The following CRPPA variants were observed in gnomAD, a reference collection of about 807,000 sequenced individuals.
The protein encoded by CRPPA is CDP-L-ribitol pyrophosphorylase A, also known as D-ribitol-5-phosphate cytidylyltransferase.
In CRPPA, 43 loss-of-function variants were observed where a neutral mutation model predicts 52.0. The observed-to-expected ratio is 0.83, with a 90% CI of 0.65 to 1.07. The LOEUF (loss-of-function observed/expected upper bound fraction) is 1.07. Among genes scored for constraint, CRPPA ranks in the 50% least tolerant of loss-of-function variants. The probability of loss-of-function intolerance (pLI) is 0.00; values close to 1 mark genes in which losing one functional copy is unlikely to be tolerated. For synonymous variants in CRPPA, 250 were observed against 203.5 expected (o/e 1.23, Z -1.94); for missense variants, 629 against 551.7 (o/e 1.14, Z -1.40).
intron 9 of CRPPA, among the ~76,000 whole-genome samples, chr7:16,194,164 G>A (rs146016624): frequency 3.3e-5 from 5 of 152,194 alleles, no homozygotes; most frequent in South Asian, 2.1e-4. Context: ...TGCTAGTCCC[G>A]GAGGAAACCT....
At chr7:16,237,021 T>C (rs1046155683) in intron 8 of CRPPA, among the ~76,000 whole-genome samples, 1 of 151,950 alleles carries the variant, frequency 6.6e-6, no homozygotes, top group Non-Finnish European at 1.5e-5. Flanking sequence ...TGCCAAAAAA[T>C]CTGGGATCTT....
chr7:16,368,973 A>G (rs955966634), intron 3 of CRPPA, among the ~76,000 whole-genome samples: 4 of 152,202 alleles, frequency 2.6e-5, no homozygotes, highest in African/African-American at 9.7e-5. Context: ...ATATGTGTCT[A>G]CATATATGTA....
At chr7:16,225,317 T>C (rs1782618771) in intron 8 of CRPPA, among the ~76,000 whole-genome samples, 3 of 151,994 alleles carry the variant, frequency 2.0e-5, no homozygotes. Context: ...CAAATTATTT[T>C]ACAAGGTGGT....
At chr7:16,158,356 C>A (rs555852417) in intron 9 of CRPPA, among the ~76,000 whole-genome samples, 25 of 151,978 alleles carry the variant, frequency 1.6e-4, no homozygotes, top group African/African-American at 5.8e-4. Flanking sequence ...GTAGGAACCC[C>A]GATTCCAAAC....
chr7:16,403,000 G>A (rs998063575), intron 2 of CRPPA, among the ~76,000 whole-genome samples: 1 of 151,900 alleles, frequency 6.6e-6, no homozygotes, highest in South Asian at 2.1e-4. Flanking sequence ...ACAACACATA[G>A]GAAAAATAAA....
chr7:16,301,134 A>T lies in CRPPA; in HGVS notation c.835+287T>A, dbSNP rs576833804. ...GGTGAGACCTTTACAAAATTATTAA[A>T]ATCAGGTTTTGCTATTTTCCTTCTA... On this transcript the variant is annotated intron_variant, in intron 5 of 9. Transcript: ENST00000407010. Among the ~76,000 whole-genome samples the T allele has an allele frequency of 2.0e-5, 3 of 152,332 alleles. No individual in the cohort carries two copies. In the South Asian group the frequency reaches 6.2e-4, roughly 32 times the overall value.
intron 5 of CRPPA, among the ~76,000 whole-genome samples, chr7:16,293,997 TC>T (rs1311237704): frequency 2.0e-5 from 3 of 151,944 alleles, no homozygotes; most frequent in Admixed American, 2.0e-4. Flanking sequence ...TTAAAACTAT[TC>T]CACGTGTGTC....
chr7:16,355,158 C>A (rs1017811058), intron 3 of CRPPA, among the ~76,000 whole-genome samples: 5 of 152,144 alleles, frequency 3.3e-5, no homozygotes, highest in Admixed American at 3.3e-4. Flanking sequence ...TGTAATCCGA[C>A]TAACTTATCT....
chr7:16,165,817 T>C (rs1781052558), intron 9 of CRPPA, among the ~76,000 whole-genome samples: 1 of 152,242 alleles, frequency 6.6e-6, no homozygotes, highest in Non-Finnish European at 1.5e-5. Context: ...TTGGTACAAC[T>C]GGTCAGATGC....
intron 6 of CRPPA, among the ~76,000 whole-genome samples, chr7:16,261,709 A>G (rs1783807896): frequency 6.6e-6 from 1 of 151,936 alleles, no homozygotes. Context: ...ATCTGCAATC[A>G]CTGTGCCACT....
At chr7:16,176,059 G>T (rs1781290499) in intron 9 of CRPPA, among the ~76,000 whole-genome samples, 1 of 152,098 alleles carries the variant, frequency 6.6e-6, no homozygotes, top group Non-Finnish European at 1.5e-5. Flanking sequence ...ATGAAGAACT[G>T]TGGTTAGAAG....
intron 8 of CRPPA, among the ~76,000 whole-genome samples, chr7:16,237,694 T>C (rs879744599): frequency 6.6e-6 from 1 of 152,320 alleles, no homozygotes; most frequent in Non-Finnish European, 1.5e-5. Context: ...ATCCAGGATG[T>C]ATAAAATGGA....
intron 5 of CRPPA, among the ~76,000 whole-genome samples, chr7:16,295,442 A>G (rs1784650793): frequency 6.6e-6 from 1 of 152,106 alleles, no homozygotes; most frequent in Non-Finnish European, 1.5e-5. Context: ...ACACACAACC[A>G]TATATGAAAA....
chr7:16,261,007 A>G (rs912780932), intron 6 of CRPPA, among the ~76,000 whole-genome samples: 3 of 152,080 alleles, frequency 2.0e-5, no homozygotes, highest in African/African-American at 7.2e-5. Context: ...CTTTAAAAAT[A>G]AAAACTCACC....
At chr7:16,280,758 C>T (rs759214866) in intron 5 of CRPPA, among the ~76,000 whole-genome samples, 11 of 152,110 alleles carry the variant, frequency 7.2e-5, no homozygotes, top group Non-Finnish European at 1.5e-4. Flanking sequence ...CAGTGGCTCA[C>T]GCCTGTAATC....
intron 2 of CRPPA, among the ~76,000 whole-genome samples, chr7:16,400,204 G>T (rs6949353): frequency 1.3e-4 from 19 of 151,838 alleles, no homozygotes; most frequent in Admixed American, 3.3e-4. Flanking sequence ...TTGAAACATG[G>T]TTGGCATGTG....
At chr7:16,305,943 G>T (rs1339893973) in intron 4 of CRPPA, among the ~76,000 whole-genome samples, 1 of 152,116 alleles carries the variant, frequency 6.6e-6, no homozygotes, top group Non-Finnish European at 1.5e-5. Flanking sequence ...CCGAAATCAA[G>T]ATACAAGTAG....
chr7:16,245,056 A>C (rs1352561818), intron 8 of CRPPA, among the ~76,000 whole-genome samples: 1 of 152,114 alleles, frequency 6.6e-6, no homozygotes, highest in African/African-American at 2.4e-5. Flanking sequence ...TTAAAAAAAA[A>C]AAAAAGCTTG....
At chr7:16,316,981 C>T (rs1220316290) in intron 3 of CRPPA, among the ~76,000 whole-genome samples, 2 of 152,052 alleles carry the variant, frequency 1.3e-5, no homozygotes, top group Non-Finnish European at 2.9e-5. Flanking sequence ...ACAGGGTATT[C>T]GTTTTCTTAC....
Sources: gnomAD v4.1 joint callset for allele counts (sites outside exome capture counted in the v4.1 genomes callset) on GRCh38, gnomAD v4.1.1 for gene constraint, MANE v1.5 for transcripts, NCBI Gene and HGNC (gene_info 2026-07-23, HGNC 2026-07-21) for gene names.